The following HIBADH variants were observed in gnomAD, a reference collection of about 807,000 sequenced individuals.
HIBADH encodes the protein 3-hydroxyisobutyrate dehydrogenase, mitochondrial.
HIBADH carries 25 observed loss-of-function variants against 36.1 expected under a neutral mutation model. The observed-to-expected ratio is 0.69, with a 90% CI of 0.50 to 0.97. HIBADH has a LOEUF of 0.97. Among genes scored for constraint, HIBADH ranks in the 50% least tolerant of loss-of-function variants. HIBADH has a pLI of 0.00. For missense variants in HIBADH, 421 were observed against 418.0 expected (o/e 1.01, Z -0.06); for synonymous variants, 160 against 149.5 (o/e 1.07, Z -0.51).
At chr7:27,533,789 T>C (rs906088479) in intron 6 of HIBADH, among the ~76,000 whole-genome samples, 2 of 152,184 alleles carry the variant, frequency 1.3e-5, no homozygotes, top group African/African-American at 4.8e-5. Context: ...GCAAGTTTAA[T>C]AGGAAGCAGC....
At position 27,661,194 on chromosome 7, in the gene HIBADH, C is replaced by T. The variant is rs566265348; in HGVS notation, c.91+1504G>A. On this transcript the variant is annotated intron_variant, in intron 1 of 7. Transcript: ENST00000265395. ...CTTGTTACTGTGGTTCTGTATCAGACATCTGGTCTCTTGCATCTCACCGAG... is the reference window on the plus strand; with the variant it reads ...CTTGTTACTGTGGTTCTGTATCAGATATCTGGTCTCTTGCATCTCACCGAG... 1.4e-3 allele frequency among the ~76,000 whole-genome samples: 218 copies of T among 152,278 alleles called. 1 individual carries two copies. Among genetic ancestry groups the T allele is most frequent in the African/African-American group, 5.0e-3 (209 of 41,546 alleles).
chr7:27,531,401 C>T (rs1783998923), intron 6 of HIBADH, 53 bp from the exon 7 acceptor site: 5 of 1,500,508 alleles, frequency 3.3e-6, no homozygotes, highest in African/African-American at 2.8e-5. Context: ...ACACGTCGTG[C>T]GTGACTTATT....
intron 4 of HIBADH, among the ~76,000 whole-genome samples, chr7:27,613,940 G>A (rs900485146): frequency 3.9e-5 from 6 of 152,216 alleles, no homozygotes; most frequent in African/African-American, 7.2e-5. Context: ...GATTACAGGC[G>A]TAAGTCACTG....
At chr7:27,562,919 G>A (rs1166338066) in intron 4 of HIBADH, among the ~76,000 whole-genome samples, 1 of 151,464 alleles carries the variant, frequency 6.6e-6, no homozygotes, top group Non-Finnish European at 1.5e-5. Flanking sequence ...TTTTTATTTT[G>A]AAATTATCAT....
chr7:27,619,149 C>T (rs141108715), intron 4 of HIBADH, among the ~76,000 whole-genome samples: 3 of 152,296 alleles, frequency 2.0e-5, no homozygotes, highest in African/African-American at 7.2e-5. Flanking sequence ...ACCACAGCTT[C>T]CACTAATAAC....
At chr7:27,553,697 T>C (rs558565986) in intron 4 of HIBADH, among the ~76,000 whole-genome samples, 1 of 152,318 alleles carries the variant, frequency 6.6e-6, no homozygotes, top group East Asian at 1.9e-4. Flanking sequence ...CAGATCAAGA[T>C]GGTGCACAAT....
intron 5 of HIBADH, among the ~76,000 whole-genome samples, chr7:27,539,647 C>T (rs1784117922): frequency 6.6e-6 from 1 of 152,080 alleles, no homozygotes; most frequent in South Asian, 2.1e-4. Context: ...AGGACTATGG[C>T]AAGTACAGTT....
intron 3 of HIBADH, among the ~76,000 whole-genome samples, chr7:27,631,752 T>A (rs528012655): frequency 6.6e-6 from 1 of 152,330 alleles, no homozygotes; most frequent in African/African-American, 2.4e-5. Context: ...ATTTACATCC[T>A]ACTGCTCAAG....
intron 4 of HIBADH, among the ~76,000 whole-genome samples, chr7:27,590,171 T>C (rs895074471): frequency 4.6e-5 from 7 of 152,126 alleles, no homozygotes; most frequent in Non-Finnish European, 1.0e-4. Flanking sequence ...TGGTACATCA[T>C]TTCATTTAAG....
chr7:27,587,333 T>C (rs1227616642), intron 4 of HIBADH, among the ~76,000 whole-genome samples: 1 of 152,144 alleles, frequency 6.6e-6, no homozygotes, highest in East Asian at 1.9e-4. Flanking sequence ...CATGAAGTGG[T>C]GTTAAAGCTG....
Position 27,607,132 on chromosome 7 carries a change from T to G in HIBADH, c.484+22239A>C, listed in dbSNP as rs1229010174. The stretch of plus-strand genomic sequence containing the variant: ...CCGAATCATGAAAAGCTGTTGATTT[T>G]ATATGTGTACTAATAAGAATGTAAA... On this transcript the variant is annotated intron_variant, in intron 4 of 7. Transcript: ENST00000265395. 2.6e-5 allele frequency among the ~76,000 whole-genome samples: 4 copies of G among 152,370 alleles called. No individual in the cohort carries two copies. In the East Asian group the frequency reaches 7.7e-4, roughly 29 times the overall value.
chr7:27,555,035 A>C (rs1257762506), intron 4 of HIBADH, among the ~76,000 whole-genome samples: 1 of 152,116 alleles, frequency 6.6e-6, no homozygotes, highest in Non-Finnish European at 1.5e-5. Context: ...TTGCGTGAGG[A>C]CAAAGGACAC....
intron 4 of HIBADH, among the ~76,000 whole-genome samples, chr7:27,582,314 A>G (rs1784804966): frequency 6.6e-6 from 1 of 152,138 alleles, no homozygotes; most frequent in Non-Finnish European, 1.5e-5. Flanking sequence ...GAATATTCAT[A>G]TATTTCATTG....
At chr7:27,627,772 C>A (rs1785673949) in intron 4 of HIBADH, among the ~76,000 whole-genome samples, 1 of 152,144 alleles carries the variant, frequency 6.6e-6, no homozygotes, top group Non-Finnish European at 1.5e-5. Flanking sequence ...CTGCACAAAG[C>A]TTTTAATCTA....
At chr7:27,646,050 C>T (rs772683108) in intron 2 of HIBADH, among the ~76,000 whole-genome samples, 3 of 152,076 alleles carry the variant, frequency 2.0e-5, no homozygotes, top group Non-Finnish European at 4.4e-5. Flanking sequence ...AAAGATTTAC[C>T]TCTGTGTTTT....
In HIBADH at chr7:27,629,040, T is replaced by G. The variant is rs11971346; in HGVS notation, c.484+331A>C. Among the ~76,000 whole-genome samples, 1,152 of 152,180 alleles carry G rather than the reference T, an allele frequency of 7.6e-3. 13 individuals are homozygous for G. Among genetic ancestry groups the G allele is most frequent in the African/African-American group, 0.026 (1,086 of 41,542 alleles). On this transcript the variant is annotated intron_variant, in intron 4 of 7. Transcript: ENST00000265395. Reference sequence around the variant, plus strand: ...TTTTTTTCCCACTTGTTCAATTTCTTTAACAGTTACAGGATTATTTAAGCT... The same window carrying G: ...TTTTTTTCCCACTTGTTCAATTTCTGTAACAGTTACAGGATTATTTAAGCT...
intron 4 of HIBADH, among the ~76,000 whole-genome samples, chr7:27,600,023 T>C (rs1440669411): frequency 2.0e-5 from 3 of 152,170 alleles, no homozygotes; most frequent in Non-Finnish European, 1.5e-5. Context: ...ATTTCTCAGA[T>C]GCTAAAATGT....
chr7:27,616,797 TAAAA>T (rs34552407), intron 4 of HIBADH, among the ~76,000 whole-genome samples: 84 of 150,386 alleles, frequency 5.6e-4, no homozygotes, highest in African/African-American at 1.8e-3. Flanking sequence ...AGTTAAAAGG[TAAAA>T]AAAAAAAAAT....
At chr7:27,536,916 GAAAAAT>G (rs1278650861) in intron 6 of HIBADH, among the ~76,000 whole-genome samples, 2 of 152,122 alleles carry the variant, frequency 1.3e-5, no homozygotes, top group Non-Finnish European at 2.9e-5. Context: ...TTTATATCCA[GAAAAAT>G]AAAAATAAAA....
Sources: gnomAD v4.1 joint callset for allele counts (sites outside exome capture counted in the v4.1 genomes callset) on GRCh38, gnomAD v4.1.1 for gene constraint, MANE v1.5 for transcripts, NCBI Gene and HGNC (gene_info 2026-07-23, HGNC 2026-07-21) for gene names.